FARS2: variants seen among roughly 807,000 people sequenced by gnomAD.
FARS2 encodes the protein phenylalanyl-tRNA synthetase 2, mitochondrial.
FARS2 carries 40 observed loss-of-function variants against 46.4 expected under a neutral mutation model. The ratio of observed to expected loss-of-function variants is 0.86; its 90% CI spans 0.67 to 1.12. FARS2 has a LOEUF of 1.12. Among genes scored for constraint, FARS2 ranks in the 50% most tolerant of loss-of-function variants. The pLI is 0.00. For synonymous variants in FARS2, 234 were observed against 214.9 expected, an observed-to-expected ratio of 1.09 and a Z score of -0.78; for missense variants, 513 against 567.9, an observed-to-expected ratio of 0.90 and a Z score of 0.98.
chr6:5,342,162 A>G (rs185483802), intron 1 of FARS2, among the ~76,000 whole-genome samples: 7 of 152,322 alleles, frequency 4.6e-5, no homozygotes, highest in Non-Finnish European at 5.9e-5. Context: ...CTTTCATGCA[A>G]TCAGCACTTT....
rs192480509 is a variant in FARS2, at chr6:5,563,279, G to A, written c.1065+17939G>A. ...CTAGACTTTCAATATGCAAATGCAG[G>A]GCACAATAATGTTATATACACGTGG... On this transcript the variant is annotated intron_variant, in intron 5 of 6. Transcript: ENST00000274680. 9.3e-3 allele frequency among the ~76,000 whole-genome samples: 1,413 copies of A among 152,218 alleles called. 17 individuals carry two copies. Among genetic ancestry groups the A allele is most frequent in the African/African-American group, 0.033 (1,363 of 41,526 alleles).
At chr6:5,298,334 T>C (rs945255830) in intron 1 of FARS2, among the ~76,000 whole-genome samples, 5 of 152,180 alleles carry the variant, frequency 3.3e-5, no homozygotes, top group African/African-American at 9.7e-5. Context: ...ATTTTATGGC[T>C]GGGAAGCCTG....
At chr6:5,634,223 C>G (rs879327784) in intron 6 of FARS2, among the ~76,000 whole-genome samples, 6 of 152,144 alleles carry the variant, frequency 3.9e-5, no homozygotes, top group Non-Finnish European at 8.8e-5. Context: ...AACCAGCTTT[C>G]CTGATACAAT....
At chr6:5,752,533 C>T (rs1047653646) in intron 6 of FARS2, among the ~76,000 whole-genome samples, 6 of 152,178 alleles carry the variant, frequency 3.9e-5, no homozygotes, top group African/African-American at 9.7e-5. Context: ...CACAAACAGC[C>T]AGGTCTCCCA....
chr6:5,451,102 T>G (rs1764466190), intron 4 of FARS2, among the ~76,000 whole-genome samples: 1 of 152,202 alleles, frequency 6.6e-6, no homozygotes, highest in African/African-American at 2.4e-5. Flanking sequence ...TTTGCTTTCA[T>G]TCTGAACTTT....
chr6:5,341,223 ATATATATATATATTTTTTT>A (rs1463370238), intron 1 of FARS2, among the ~76,000 whole-genome samples: 99 of 5,292 alleles, frequency 0.019, 2 homozygotes, highest in African/African-American at 0.063. Context: ...ATATATATAT[ATATATATATATATTTTTTT>A]TTTTTTTTTT....
intron 1 of FARS2, among the ~76,000 whole-genome samples, chr6:5,350,487 T>C (rs1340079339): frequency 6.6e-6 from 1 of 152,156 alleles, no homozygotes; most frequent in African/African-American, 2.4e-5. Flanking sequence ...GACACAGAGA[T>C]CAGTGGAACA....
At chr6:5,472,989 T>C (rs1398935696) in intron 4 of FARS2, among the ~76,000 whole-genome samples, 1 of 152,236 alleles carries the variant, frequency 6.6e-6, no homozygotes, top group Non-Finnish European at 1.5e-5. Flanking sequence ...TCTGCAAATA[T>C]ATATTCATGG....
chr6:5,579,146 ACTT>A (rs1159892689), intron 5 of FARS2, among the ~76,000 whole-genome samples: 2 of 152,212 alleles, frequency 1.3e-5, no homozygotes, highest in African/African-American at 4.8e-5. Flanking sequence ...TTGTGTATAA[ACTT>A]CTTCTTGCCC....
At chr6:5,654,515 T>C (rs138100634) in intron 6 of FARS2, among the ~76,000 whole-genome samples, 284 of 152,326 alleles carry the variant, frequency 1.9e-3, no homozygotes, top group African/African-American at 6.6e-3. Context: ...CCCTTCCCCT[T>C]AGGTTTAACT....
At chr6:5,296,497 A>T (rs1767902594) in intron 1 of FARS2, among the ~76,000 whole-genome samples, 2 of 152,114 alleles carry the variant, frequency 1.3e-5, no homozygotes, top group Admixed American at 1.3e-4. Flanking sequence ...TTATGGTCTC[A>T]TGTAACCATC....
intron 4 of FARS2, among the ~76,000 whole-genome samples, chr6:5,522,561 G>A (rs1000350867): frequency 5.3e-5 from 8 of 152,336 alleles, no homozygotes; most frequent in South Asian, 2.1e-4. Context: ...TCGGACCAGC[G>A]GAAGTATGTT....
At chr6:5,297,500 T>A (rs959105728) in intron 1 of FARS2, among the ~76,000 whole-genome samples, 3 of 151,934 alleles carry the variant, frequency 2.0e-5, no homozygotes, top group Non-Finnish European at 4.4e-5. Flanking sequence ...ATAAGAAAAT[T>A]AGCCGGCTGT....
chr6:5,686,380 G>A (rs1022255379), intron 6 of FARS2, among the ~76,000 whole-genome samples: 3 of 151,286 alleles, frequency 2.0e-5, no homozygotes, highest in Non-Finnish European at 4.4e-5. Context: ...AGGCCCCAGT[G>A]TGTGATGTTC....
intron 6 of FARS2, among the ~76,000 whole-genome samples, chr6:5,706,603 G>A (rs868161106): frequency 1.3e-5 from 2 of 152,114 alleles, no homozygotes; most frequent in Admixed American, 6.5e-5. Context: ...TACATCGACT[G>A]TTGGGTTTCC....
At chr6:5,538,700 C>T (rs1770375173) in intron 4 of FARS2, among the ~76,000 whole-genome samples, 1 of 152,132 alleles carries the variant, frequency 6.6e-6, no homozygotes, top group African/African-American at 2.4e-5. Flanking sequence ...CCAGTATTGT[C>T]TTACTGATGG....
intron 6 of FARS2, among the ~76,000 whole-genome samples, chr6:5,747,183 A>G: frequency 6.6e-6 from 1 of 152,220 alleles, no homozygotes; most frequent in East Asian, 1.9e-4. Context: ...GCAAAGAGAT[A>G]AGGTCACAAA....
intron 6 of FARS2, among the ~76,000 whole-genome samples, chr6:5,678,714 C>T (rs1778884915): frequency 6.6e-6 from 1 of 152,154 alleles, no homozygotes; most frequent in Admixed American, 6.5e-5. Context: ...CAAAGAGGGA[C>T]CTACCTGGCT....
At chr6:5,555,063 T>C (rs888359379) in intron 5 of FARS2, among the ~76,000 whole-genome samples, 1 of 152,132 alleles carries the variant, frequency 6.6e-6, no homozygotes, top group African/African-American at 2.4e-5. Context: ...AGGGACCAGA[T>C]GGCAGATAAT....
Sources: allele counts gnomAD v4.1 joint callset (sites outside exome capture counted in the v4.1 genomes callset), GRCh38; gene constraint gnomAD v4.1.1; transcripts MANE v1.5; gene names NCBI Gene and HGNC (gene_info 2026-07-23, HGNC 2026-07-21).